Variants in CFAP61 observed in about 807,000 individuals in gnomAD.
The protein encoded by CFAP61 is cilia and flagella associated protein 61, also known as cilia- and flagella-associated protein 61.
In CFAP61, 107 loss-of-function variants were observed where a neutral mutation model predicts 135.6. The observed-to-expected ratio is 0.79, with a 90% CI of 0.67 to 0.93. The LOEUF (loss-of-function observed/expected upper bound fraction) is 0.93, where lower values mean the gene tolerates loss of function less well. Among genes scored for constraint, CFAP61 ranks in the 40% least tolerant of loss-of-function variants. The pLI is 0.00. For synonymous variants in CFAP61, 575 were observed against 578.5 expected (o/e 0.99, Z 0.09); for missense variants, 1,507 against 1,556.2 (o/e 0.97, Z 0.53).
At chr20:20,290,159 G>C (rs2054894527) in intron 23 of CFAP61, 141 bp from the exon 24 acceptor site, 2 of 642,766 alleles carry the variant, frequency 3.1e-6, no homozygotes, top group Admixed American at 2.7e-5. Flanking sequence ...GGAGTTCCTT[G>C]TTGTTAGTGG....
chr20:20,312,536 C>T (rs577837683), intron 25 of CFAP61, among the ~76,000 whole-genome samples: 3 of 152,078 alleles, frequency 2.0e-5, no homozygotes, highest in Admixed American at 2.0e-4. Context: ...TTCAAGTGGC[C>T]TAAAGAAATA....
Position 20,126,790 on chromosome 20 carries a change from G to A in CFAP61, c.860-16067G>A, listed in dbSNP as rs140081899. ...TAGCAAGGCTGGGGAAGTTTTCCTC[G>A]ATTTTTCCCCCAAATATGTTTTCCA... On this transcript the variant is annotated intron_variant, in intron 8 of 26. Coordinates refer to ENST00000245957, the MANE Select transcript of CFAP61 (RefSeq NM_015585.4). 1.4e-3 allele frequency among the ~76,000 whole-genome samples: 209 copies of A among 151,914 alleles called. 8 individuals carry two copies. The highest frequency in any genetic ancestry group is 4.9e-3 in the African/African-American group (202 of 41,220).
intron 25 of CFAP61, among the ~76,000 whole-genome samples, chr20:20,313,397 T>G (rs1423596960): frequency 1.3e-5 from 2 of 152,238 alleles, no homozygotes; most frequent in Non-Finnish European, 2.9e-5. Flanking sequence ...CTAAGAGATT[T>G]ACACCCCAAG....
At chr20:20,234,254 C>T (rs562694652) in intron 18 of CFAP61, among the ~76,000 whole-genome samples, 4 of 152,264 alleles carry the variant, frequency 2.6e-5, no homozygotes, top group Middle Eastern at 3.4e-3. Flanking sequence ...AGAGAATGGC[C>T]GTGGGCAGAG....
In CFAP61 at chr20:20,090,968, G is replaced by T. The variant is rs1258587895; in HGVS notation, c.691G>T (p.Val231Leu). 1.9e-6 allele frequency: 3 copies of T among 1,614,068 alleles called. No homozygotes were observed. The highest frequency in any genetic ancestry group is 1.7e-6 in the Non-Finnish European group (2 of 1,179,962). The change falls in exon 7 of 27, where the codon GTG (valine) becomes TTG (leucine). Residue 231 changes from valine to leucine, a missense_variant. Physicochemically the swap from Val to Leu is conservative, Grantham distance 32. Transcript: ENST00000245957. The part of the protein sequence containing the change: ...EAQDEENHAV[V>L]CEVEGTAVGF... Reference sequence around the variant, plus strand: ...CCAAGATGAAGAGAATCATGCTGTTGTGTGTGAGGTCAGTGACTGATTCAT... The same window carrying T: ...CCAAGATGAAGAGAATCATGCTGTTTTGTGTGAGGTCAGTGACTGATTCAT...
intron 20 of CFAP61, chr20:20,258,330 A>C (rs917980066): frequency 6.6e-6 from 1 of 152,198 alleles, no homozygotes; most frequent in African/African-American, 2.4e-5. Context: ...CATGATGAGA[A>C]TATAGAGGTC....
chr20:20,292,505 G>T (rs1329111776), intron 24 of CFAP61, among the ~76,000 whole-genome samples: 1 of 152,210 alleles, frequency 6.6e-6, no homozygotes. Context: ...GATCCTGTGA[G>T]TCAGGAATTT....
intron 2 of CFAP61, among the ~76,000 whole-genome samples, chr20:20,068,733 C>G (rs941257709): frequency 4.6e-5 from 7 of 152,124 alleles, no homozygotes; most frequent in African/African-American, 1.7e-4. Context: ...AATGTTACAT[C>G]TTTATAGTTA....
chr20:20,186,486 T>C (rs1254258895), intron 13 of CFAP61, among the ~76,000 whole-genome samples: 1 of 152,242 alleles, frequency 6.6e-6, no homozygotes, highest in Non-Finnish European at 1.5e-5. Context: ...TGAAAATTCA[T>C]GTACAGGTTT....
intron 17 of CFAP61, among the ~76,000 whole-genome samples, chr20:20,222,652 C>T (rs2048480471): frequency 6.6e-6 from 1 of 152,178 alleles, no homozygotes; most frequent in Non-Finnish European, 1.5e-5. Context: ...TCATATCATA[C>T]TTTTGAAACT....
chr20:20,326,283 T>C (rs1602030168), intron 25 of CFAP61, among the ~76,000 whole-genome samples: 1 of 152,254 alleles, frequency 6.6e-6, no homozygotes, highest in South Asian at 2.1e-4. Context: ...TGTCTTTTTA[T>C]TCACTTTTAT....
intron 25 of CFAP61, among the ~76,000 whole-genome samples, chr20:20,320,073 T>C (rs548025369): frequency 6.6e-6 from 1 of 151,596 alleles, no homozygotes; most frequent in African/African-American, 2.4e-5. Context: ...AGTGGGAAAC[T>C]ATGTGACAAA....
At chr20:20,174,773 T>A (rs1227922743) in intron 13 of CFAP61, among the ~76,000 whole-genome samples, 1 of 129,752 alleles carries the variant, frequency 7.7e-6, no homozygotes, top group Non-Finnish European at 1.7e-5. Flanking sequence ...TAAAAAAAAA[T>A]GAGTGTGCTA....
At chr20:20,345,177 T>A (rs976261393) in intron 26 of CFAP61, among the ~76,000 whole-genome samples, 22 of 152,108 alleles carry the variant, frequency 1.4e-4, no homozygotes, top group African/African-American at 3.6e-4. Context: ...ATGAATAAGA[T>A]CTAGTATTTG....
chr20:20,221,466 T>C (rs2048396520), intron 17 of CFAP61, among the ~76,000 whole-genome samples: 1 of 152,212 alleles, frequency 6.6e-6, no homozygotes, highest in Non-Finnish European at 1.5e-5. Flanking sequence ...AGATGTACCT[T>C]TATTTTATGT....
At position 20,052,587 on chromosome 20, in the gene CFAP61, A is replaced by C. The variant is rs751416259; in HGVS notation, c.-41A>C. The C allele has an allele frequency of 3.1e-6, 5 of 1,613,782 alleles. No individual in the cohort carries two copies. In the East Asian group the frequency reaches 6.7e-5, roughly 22 times the overall value. On this transcript the variant is annotated 5_prime_UTR_variant, in exon 1 of 27. The change abolishes an upstream ATG in the 5' untranslated region. Coordinates refer to ENST00000245957, the MANE Select transcript of CFAP61 (RefSeq NM_015585.4). Reference sequence around the variant, plus strand: ...GGAGTGCGGCGTCCTGGAGCTGCGGATGAGGTGGGTAACGCCGTGCTGACT... The same window carrying C: ...GGAGTGCGGCGTCCTGGAGCTGCGGCTGAGGTGGGTAACGCCGTGCTGACT...
intron 21 of CFAP61, among the ~76,000 whole-genome samples, chr20:20,266,493 A>C (rs1049292023): frequency 2.0e-5 from 3 of 152,246 alleles, no homozygotes; most frequent in African/African-American, 7.2e-5. Context: ...TACTGAATGT[A>C]AGTGAAGACA....
At chr20:20,101,064 A>G (rs1254404407) in intron 8 of CFAP61, among the ~76,000 whole-genome samples, 1 of 152,214 alleles carries the variant, frequency 6.6e-6, no homozygotes, top group African/African-American at 2.4e-5. Context: ...CATAACTTCC[A>G]GGGATTGAGT....
intron 10 of CFAP61, among the ~76,000 whole-genome samples, chr20:20,162,639 C>A (rs1400088221): frequency 6.6e-6 from 1 of 152,106 alleles, no homozygotes; most frequent in African/African-American, 2.4e-5. Context: ...AAAATAGGAG[C>A]TGCAATACAG....
Sources: allele counts gnomAD v4.1 joint callset (sites outside exome capture counted in the v4.1 genomes callset), GRCh38; gene constraint gnomAD v4.1.1; transcripts MANE v1.5; gene names NCBI Gene and HGNC (gene_info 2026-07-23, HGNC 2026-07-21).